Variants in FBXW4 observed in about 807,000 individuals in gnomAD.
FBXW4 encodes the protein F-box and WD repeat domain containing 4.
FBXW4 carries 40 observed loss-of-function variants against 61.8 expected under a neutral mutation model. The observed-to-expected ratio is 0.65, with a 90% CI of 0.50 to 0.84. The LOEUF (loss-of-function observed/expected upper bound fraction) is 0.84, where lower values mean the gene tolerates loss of function less well. FBXW4 is among the 40% of genes least tolerant of loss of function. FBXW4 has a pLI of 0.00. For missense variants in FBXW4, 672 were observed against 753.8 expected (o/e 0.89, Z 1.27); for synonymous variants, 311 against 313.8 (o/e 0.99, Z 0.10).
chr10:101,623,494 G>A (rs1236573725), intron 6 of FBXW4, among the ~76,000 whole-genome samples: 2 of 152,210 alleles, frequency 1.3e-5, no homozygotes. Flanking sequence ...TGGTGGGAAT[G>A]TAAAATGATA....
At chr10:101,692,561 A>G (rs2064618629) in intron 1 of FBXW4, among the ~76,000 whole-genome samples, 1 of 151,752 alleles carries the variant, frequency 6.6e-6, no homozygotes, top group Non-Finnish European at 1.5e-5. Flanking sequence ...TTCGAGACCA[A>G]CCTGACCAAG....
chr10:101,676,523 GGAGCATCCAGAATACAAGTAAA>G, intron 1 of FBXW4, 87 bp from the exon 2 acceptor site: 2 of 999,380 alleles, frequency 2.0e-6, no homozygotes, highest in Non-Finnish European at 3.1e-6. Context: ...TCAGGATTCA[GGAGCATCCAGAATACAAGTAAA>G]GAGATTAGGA....
At chr10:101,636,681 G>A (rs114280213) in intron 5 of FBXW4, among the ~76,000 whole-genome samples, 13,463 of 151,478 alleles carry the variant, frequency 0.089, 688 homozygotes, top group African/African-American at 0.14. Context: ...TCTGCCTCCC[G>A]GAATCAAGCA....
chr10:101,632,790 C>T (rs1316790745), intron 5 of FBXW4, among the ~76,000 whole-genome samples: 2 of 152,066 alleles, frequency 1.3e-5, no homozygotes, highest in Non-Finnish European at 2.9e-5. Context: ...TGTCCCTGTA[C>T]TAAAGCAAAA....
intron 5 of FBXW4, among the ~76,000 whole-genome samples, chr10:101,629,924 T>C (rs772414999): frequency 1.3e-5 from 2 of 152,168 alleles, no homozygotes; most frequent in Non-Finnish European, 2.9e-5. Flanking sequence ...GCAGCACAAG[T>C]GGCGTGCTCA....
At chr10:101,649,694 G>A (rs1390456310) in intron 5 of FBXW4, among the ~76,000 whole-genome samples, 1 of 152,186 alleles carries the variant, frequency 6.6e-6, no homozygotes, top group Non-Finnish European at 1.5e-5. Context: ...CAATTCCCAA[G>A]ACAGTCTGAA....
intron 5 of FBXW4, among the ~76,000 whole-genome samples, chr10:101,641,199 C>T (rs945119814): frequency 2.5e-4 from 38 of 151,924 alleles, no homozygotes; most frequent in African/African-American, 8.7e-4. Flanking sequence ...ATATTTTCCA[C>T]GTATTCATCT....
chr10:101,622,606 T>C (rs752794076), intron 6 of FBXW4, among the ~76,000 whole-genome samples: 43 of 151,612 alleles, frequency 2.8e-4, no homozygotes, highest in Non-Finnish European at 5.3e-4. Context: ...CAGGTACCTG[T>C]AGTCCCAGCT....
At chr10:101,668,266 C>T (rs754549994) in intron 4 of FBXW4, among the ~76,000 whole-genome samples, 1 of 152,204 alleles carries the variant, frequency 6.6e-6, no homozygotes, top group Non-Finnish European at 1.5e-5. Flanking sequence ...CATTCCTCAG[C>T]GGAGACTTGA....
Position 101,611,486 on chromosome 10 carries a change from G to T in FBXW4, c.1585-76C>A. 6.4e-7 allele frequency: 1 copy of T among 1,574,014 alleles called. No homozygotes were observed. The highest frequency in any genetic ancestry group is 2.3e-5 in the East Asian group (1 of 44,346). On this transcript the variant is annotated intron_variant, in intron 8 of 8. Transcript: ENST00000331272. This position sits in a 1 kb window ranked among gnomAD's most constrained non-coding sequence, Gnocchi z 4.9. The stretch of plus-strand genomic sequence containing the variant: ...GTGTGCCCTAACCCAGGATCCCCAG[G>T]CCCAGGGGAAGAGGGACGTGTGCCA...
Position 101,694,766 on chromosome 10 carries a change from C to G in FBXW4, c.340G>C (p.Gly114Arg), listed in dbSNP as rs932796263. ...GSAGAGKEAQ[G>R]REYGKKEEWR... is the part of the protein sequence containing the mutation. ...TCCTCCTTCTTCCCATACTCTCTTC[C>G]TTGTGCCTCCTTCCCGGCCCCTGCG... The change falls in exon 1 of 9, where the codon GGA becomes CGA. Residue 114 changes from glycine to arginine, a missense_variant. Transcript: ENST00000331272. The surrounding 1 kb of genome is among the most constrained non-coding windows in gnomAD (Gnocchi z 6.0). 2.2e-6 allele frequency: 3 copies of G among 1,351,192 alleles called. No homozygotes were observed. Among genetic ancestry groups the G allele is most frequent in the African/African-American group, 1.5e-5 (1 of 64,962 alleles). 83.7% of individuals were successfully genotyped at this position (1,351,192 alleles called of 1,614,324 possible). A position where few individuals can be genotyped will look rare whatever the true frequency, so the allele number is the denominator to read the frequency against.
intron 6 of FBXW4, among the ~76,000 whole-genome samples, chr10:101,623,133 A>T (rs1371678961): frequency 6.6e-6 from 1 of 152,222 alleles, no homozygotes; most frequent in African/African-American, 2.4e-5. Context: ...TAGTTTAAAA[A>T]TAGTGAATCC....
chr10:101,637,720 A>T (rs2064016970), intron 5 of FBXW4, among the ~76,000 whole-genome samples: 1 of 139,320 alleles, frequency 7.2e-6, no homozygotes, highest in Admixed American at 7.3e-5. Context: ...AAAAAAAAAA[A>T]AAGGTCACTA....
Position 101,694,725 on chromosome 10 carries a change from A to G in FBXW4, c.381T>C (p.Ala127=). 13 of 1,372,306 alleles carry G rather than the reference A, an allele frequency of 9.5e-6. No individual in the cohort carries two copies. In the South Asian group the frequency reaches 2.2e-4, roughly 23 times the overall value. The allele number at this position is 1,372,306 out of a possible 1,614,324, so 85.0% of individuals were successfully genotyped here. A position where few individuals can be genotyped will look rare whatever the true frequency, so the allele number is the denominator to read the frequency against. The change falls in exon 1 of 9, where the codon GCT becomes GCC. Residue 127 remains alanine (A), a synonymous_variant. Transcript: ENST00000331272. The surrounding 1 kb of genome is among the most constrained non-coding windows in gnomAD (Gnocchi z 6.0). ...YGKKEEWRVR[A]RRREGARPGR... ...CCGGCCTGGCGCCCTCCCGCCGCCT[A>G]GCCCTGACCCTCCATTCCTCCTTCT...
Position 101,680,564 on chromosome 10 carries a change from A to T in FBXW4, c.726-4128T>A, listed in dbSNP as rs149981215. Among the ~76,000 whole-genome samples, 189 of 152,346 alleles carry T rather than the reference A, an allele frequency of 1.2e-3. 1 individual carries two copies. The highest frequency in any genetic ancestry group is 4.4e-3 in the African/African-American group (184 of 41,580). ...GAGGATAAGGACAGTCACAGTGTTC[A>T]CAATATAAAACATTGGAGGAAACAT... On this transcript the variant is annotated intron_variant, in intron 1 of 8. Transcript: ENST00000331272.
At chr10:101,619,582 C>T (rs972888372) in intron 6 of FBXW4, among the ~76,000 whole-genome samples, 1 of 151,928 alleles carries the variant, frequency 6.6e-6, no homozygotes. Flanking sequence ...TGGCGTGAAC[C>T]CGGGAGGCGG....
chr10:101,681,545 G>A (rs1176902980), intron 1 of FBXW4, among the ~76,000 whole-genome samples: 3 of 150,096 alleles, frequency 2.0e-5, no homozygotes, highest in East Asian at 1.9e-4. Context: ...GTGAAACCCC[G>A]TCTCTACTAA....
intron 1 of FBXW4, among the ~76,000 whole-genome samples, chr10:101,688,522 A>G (rs192653327): frequency 1.2e-4 from 19 of 152,324 alleles, no homozygotes; most frequent in Non-Finnish European, 8.8e-5. Context: ...CAGGAGATAA[A>G]TTCTTTCTCC....
At chr10:101,641,401 T>A (rs1238422514) in intron 5 of FBXW4, among the ~76,000 whole-genome samples, 1 of 152,224 alleles carries the variant, frequency 6.6e-6, no homozygotes, top group East Asian at 1.9e-4. Flanking sequence ...ACCAATTGAC[T>A]GTGATCTTTC....
Sources: gnomAD v4.1 joint callset for allele counts (sites outside exome capture counted in the v4.1 genomes callset) on GRCh38, gnomAD v4.1.1 for gene constraint, Gnocchi (gnomAD v3.1) non-coding constraint, MANE v1.5 for transcripts, NCBI Gene and HGNC (gene_info 2026-07-23, HGNC 2026-07-21) for gene names.